The following RANBP2 variants were observed in gnomAD, a reference collection of about 807,000 sequenced individuals.
The protein encoded by RANBP2 is RAN binding protein 2.
Under a neutral mutation model 303.6 loss-of-function variants are expected in RANBP2, and 57 were observed. The observed-to-expected ratio is 0.19, with a 90% CI of 0.15 to 0.23. The LOEUF is 0.23. Ranked by LOEUF, RANBP2 falls within the 10% of genes least tolerant of loss-of-function variation. RANBP2 has a pLI of 1.00. For missense variants in RANBP2, 3,138 were observed against 3,780.8 expected (o/e 0.83, Z 4.46); for synonymous variants, 1,167 against 1,301.5 (o/e 0.90, Z 2.23).
At chr2:109,559,263 A>G in the RANBP2 span, among the ~76,000 whole-genome samples, 2 of 152,250 alleles carry the variant, frequency 1.3e-5, no homozygotes, top group Non-Finnish European at 2.9e-5. Flanking sequence ...AAGCCTTATC[A>G]AATCATTTAA....
At chr2:109,223,642 A>G in the RANBP2 span, among the ~76,000 whole-genome samples, 112,119 of 152,008 alleles carry the variant, frequency 0.74, 41,901 homozygotes, top group East Asian at 0.89. Context: ...CTCCCTGGGT[A>G]GCCCTGCACC....
the RANBP2 span, among the ~76,000 whole-genome samples, chr2:109,112,329 C>T: frequency 8.5e-5 from 13 of 152,058 alleles, no homozygotes; most frequent in Non-Finnish European, 8.8e-5. Context: ...GCTATTCTAA[C>T]TGGTGTGAGA....
chr2:109,540,482 G>A, the RANBP2 span, among the ~76,000 whole-genome samples: 1 of 151,882 alleles, frequency 6.6e-6, no homozygotes, highest in South Asian at 2.1e-4. Context: ...TATTTTACAG[G>A]TCTCTCTTCA....
At chr2:109,051,091 T>C in the RANBP2 span, among the ~76,000 whole-genome samples, 1 of 152,212 alleles carries the variant, frequency 6.6e-6, no homozygotes, top group Admixed American at 6.5e-5. Flanking sequence ...TGCTTCCTTA[T>C]ATCAGAATTT....
chr2:109,559,911 C>T, the RANBP2 span, among the ~76,000 whole-genome samples: 116 of 117,552 alleles, frequency 9.9e-4, 5 homozygotes, highest in East Asian at 0.01. Flanking sequence ...CAACCAATGC[C>T]TTTTTTTTTT....
the RANBP2 span, chr2:109,553,309 C>A: frequency 1.5e-6 from 2 of 1,365,284 alleles, no homozygotes; most frequent in Non-Finnish European, 2.0e-6. Context: ...CTTTGGGAGG[C>A]CGAGGCAGGT....
At chr2:109,090,308 CCTCACACACACACACACACACACACA>C in the RANBP2 span, among the ~76,000 whole-genome samples, 2 of 132,732 alleles carry the variant, frequency 1.5e-5, no homozygotes, top group East Asian at 4.3e-4. Context: ...GGACACCTCG[CCTCACACACACACACACACACACACA>C]CACACACACA....
At chr2:109,763,258 G>C in the RANBP2 span, among the ~76,000 whole-genome samples, 3 of 150,406 alleles carry the variant, frequency 2.0e-5, no homozygotes, top group African/African-American at 7.3e-5. Context: ...ATCAGACACT[G>C]TTCTGAGTAC....
At chr2:108,852,563 A>G in the RANBP2 span, among the ~76,000 whole-genome samples, 6 of 152,244 alleles carry the variant, frequency 3.9e-5, no homozygotes, top group Admixed American at 1.3e-4. Flanking sequence ...ATGGAATACT[A>G]TGCAGCCATT....
chr2:108,929,257 G>A, the RANBP2 span: 7 of 1,614,080 alleles, frequency 4.3e-6, no homozygotes, highest in African/African-American at 1.3e-5. Context: ...TCAGCACGGT[G>A]GCCCGGAAGA....
chr2:109,694,494 C>A, the RANBP2 span, among the ~76,000 whole-genome samples: 1 of 151,556 alleles, frequency 6.6e-6, no homozygotes, highest in Admixed American at 6.6e-5. Context: ...ACCTCTACCT[C>A]CCAGGTTCAA....
the RANBP2 span, among the ~76,000 whole-genome samples, chr2:109,527,750 T>TA: frequency 6.6e-6 from 1 of 152,148 alleles, no homozygotes; most frequent in African/African-American, 2.4e-5. Flanking sequence ...AAGATTTTTT[T>TA]AAAAAATAAA....
the RANBP2 span, among the ~76,000 whole-genome samples, chr2:109,223,314 TGGTGTGTTTCCCAG>T: frequency 6.6e-6 from 1 of 152,170 alleles, no homozygotes; most frequent in African/African-American, 2.4e-5. Context: ...GCAGCCTACC[TGGTGTGTTTCCCAG>T]AGCCGACAGA....
intron 7 of RANBP2, among the ~76,000 whole-genome samples, chr2:108,745,838 C>T (rs1482589479): frequency 6.6e-6 from 1 of 151,296 alleles, no homozygotes; most frequent in Non-Finnish European, 1.5e-5. Flanking sequence ...TTTTCCATTT[C>T]TCTGAATGTA....
At chr2:109,134,367 A>T in the RANBP2 span, among the ~76,000 whole-genome samples, 1 of 152,198 alleles carries the variant, frequency 6.6e-6, no homozygotes, top group Non-Finnish European at 1.5e-5. Flanking sequence ...CAAAAACCAG[A>T]CAGCTCACAA....
At chr2:108,786,665 G>A (rs1319277262), downstream of RANBP2, 6 of 657,358 alleles carry the variant, frequency 9.1e-6, no homozygotes, top group South Asian at 1.8e-5. Flanking sequence ...CTGACAAGCC[G>A]GGCTGCAGTC....
the RANBP2 span, among the ~76,000 whole-genome samples, chr2:108,881,803 T>TA: frequency 2.0e-5 from 3 of 152,160 alleles, no homozygotes; most frequent in Non-Finnish European, 4.4e-5. Context: ...TTTGCTGTCT[T>TA]ACATGGGTGT....
At chr2:109,214,442 A>C in the RANBP2 span, among the ~76,000 whole-genome samples, 1 of 151,786 alleles carries the variant, frequency 6.6e-6, no homozygotes, top group East Asian at 2.0e-4. Context: ...CTAGAACTTA[A>C]AGTATTAAAA....
rs773296370 is a variant in RANBP2 at position 108,768,109 on chromosome 2, A to G, written c.7570A>G (p.Ile2524Val). ...FVFGSESVKSIFSSEKSKPFA... is the reference protein window; with the variant it reads ...FVFGSESVKSVFSSEKSKPFA... Reference sequence around the variant, plus strand: ...ATTTGGTTCAGAGTCTGTTAAAAGCATTTTTAGTAGTGAAAAATCAAAACC... The same window carrying G: ...ATTTGGTTCAGAGTCTGTTAAAAGCGTTTTTAGTAGTGAAAAATCAAAACC... Residue 2524 changes from isoleucine (I) to valine (V), a missense_variant, in exon 20 of 29, where the codon ATT becomes GTT. By Grantham distance (29) the Ile-to-Val change is conservative. This residue lies in a region of RANBP2 where 497 missense variants were observed against 465.8 expected (regional missense o/e 1.07). Coordinates refer to ENST00000283195, the MANE Select transcript of RANBP2 (RefSeq NM_006267.5). The G allele has an allele frequency of 6.2e-7, 1 of 1,612,060 alleles. No homozygotes were observed. Among genetic ancestry groups the G allele is most frequent in the Non-Finnish European group, 8.5e-7 (1 of 1,179,874 alleles).
Sources: allele counts gnomAD v4.1 joint callset (sites outside exome capture counted in the v4.1 genomes callset), GRCh38; gene constraint gnomAD v4.1.1; regional missense constraint gnomAD v4.1.1; transcripts MANE v1.5; gene names NCBI Gene and HGNC (gene_info 2026-07-23, HGNC 2026-07-21).